The following NEXN variants were observed in gnomAD, a reference collection of about 807,000 sequenced individuals.
NEXN encodes the protein nexilin F-actin binding protein, also known as nexilin.
In NEXN, 65 loss-of-function variants were observed where a neutral mutation model predicts 92.6. The ratio of observed to expected loss-of-function variants is 0.70; its 90% CI spans 0.57 to 0.86. NEXN has a LOEUF of 0.86. Among genes scored for constraint, NEXN ranks in the 40% least tolerant of loss-of-function variants. The pLI is 0.00. For synonymous variants in NEXN, 254 were observed against 242.5 expected, an observed-to-expected ratio of 1.05 and a Z score of -0.44; for missense variants, 778 against 771.1, an observed-to-expected ratio of 1.01 and a Z score of -0.11.
chr1:77,914,810 T>A (rs1648838043), intron 1 of NEXN, among the ~76,000 whole-genome samples: 1 of 147,970 alleles, frequency 6.8e-6, no homozygotes, highest in African/African-American at 2.5e-5. Context: ...TGAGCCGAGA[T>A]CATGCCACTG....
At chr1:77,903,663 T>G (rs1376505334) in intron 1 of NEXN, among the ~76,000 whole-genome samples, 1 of 152,184 alleles carries the variant, frequency 6.6e-6, no homozygotes, top group Non-Finnish European at 1.5e-5. Context: ...AAAATTAAGT[T>G]TATAGACTGG....
intron 1 of NEXN, among the ~76,000 whole-genome samples, chr1:77,894,074 T>C (rs1407551820): frequency 2.0e-4 from 31 of 152,034 alleles, no homozygotes; most frequent in Admixed American, 2.0e-3. Context: ...TCTGCCCACG[T>C]TGGCCTCCCA....
intron 1 of NEXN, among the ~76,000 whole-genome samples, chr1:77,905,853 A>C (rs1019807658): frequency 2.0e-5 from 3 of 152,148 alleles, no homozygotes; most frequent in Non-Finnish European, 4.4e-5. Flanking sequence ...GTGATAAGGG[A>C]ATGAGAATAG....
rs2102181599 is a variant in NEXN at position 77,942,675 on chromosome 1, GAGA to G, written c.1878_1880del (p.Glu626del). 2 of 1,613,724 alleles carry G rather than the reference GAGA, an allele frequency of 1.2e-6. No homozygotes were observed. Among genetic ancestry groups the G allele is most frequent in the Non-Finnish European group, 1.7e-6 (2 of 1,179,740 alleles). On this transcript the variant is annotated inframe_deletion, in exon 13 of 13. Transcript: ENST00000334785. ...TTTGAAGGAGAAATACTGCAGGATG[GAGA>G]AGACTATCAATATATTGAAAGGGGA...
chr1:77,898,024 T>C (rs1476026628), intron 1 of NEXN, among the ~76,000 whole-genome samples: 1 of 152,122 alleles, frequency 6.6e-6, no homozygotes, highest in African/African-American at 2.4e-5. Context: ...TACAAACAAA[T>C]GGAAGAACAT....
intron 1 of NEXN, among the ~76,000 whole-genome samples, chr1:77,890,971 A>G (rs568682928): frequency 6.6e-6 from 1 of 152,126 alleles, no homozygotes; most frequent in Non-Finnish European, 1.5e-5. Context: ...ACAATTTCAC[A>G]TATTTCTGTT....
At chr1:77,903,212 T>C (rs191806706) in intron 1 of NEXN, among the ~76,000 whole-genome samples, 15 of 151,132 alleles carry the variant, frequency 9.9e-5, no homozygotes, top group Admixed American at 7.3e-4. Context: ...GCTGTTATCC[T>C]ATCATAAGAA....
At position 77,933,428 on chromosome 1, in the gene NEXN, G is replaced by C. The variant is rs753171810; in HGVS notation, c.1200G>C (p.Lys400Asn). 6.2e-7 allele frequency: 1 copy of C among 1,613,528 alleles called. No homozygotes were observed. The highest frequency in any genetic ancestry group is 8.5e-7 in the Non-Finnish European group (1 of 1,179,668). ...GAACAGAGGAGGAACGGAAGCATAA[G>C]CTAGAAATGGAGAAACAAGAATTTG... ...KRRTEEERKHKLEMEKQEFEQ... is the reference protein window; with the variant it reads ...KRRTEEERKHNLEMEKQEFEQ... Residue 400 changes from lysine (K) to asparagine (N), a missense_variant, in exon 10 of 13, where the codon AAG (lysine) becomes AAC (asparagine). Physicochemically the swap from Lys to Asn is moderately conservative, Grantham distance 94 (BLOSUM62 0). This residue lies in a region of NEXN where 532 missense variants were observed against 476.7 expected (regional missense o/e 1.12). Transcript: ENST00000334785.
intron 11 of NEXN, 195 bp from the exon 12 acceptor site, chr1:77,941,826 AAG>A: frequency 1.7e-6 from 1 of 576,610 alleles, no homozygotes; most frequent in South Asian, 2.0e-5. Flanking sequence ...GTCTATAACT[AAG>A]AGAATGCTTC....
chr1:77,890,034 C>A (rs186165631), intron 1 of NEXN, among the ~76,000 whole-genome samples: 117 of 152,244 alleles, frequency 7.7e-4, no homozygotes, highest in African/African-American at 2.3e-3. Context: ...AACTTTGTCT[C>A]AAATTCTTTT....
At position 77,889,355 on chromosome 1, in the gene NEXN, CTT is replaced by C. The variant is rs35488678; in HGVS notation, c.-53+611_-53+612del. ...TATCCCCCCACTCCTGTCTCCAACC[CTT>C]TTTTTTTTTTTTTTCGTGATTCTGC... On this transcript the variant is annotated intron_variant, in intron 1 of 12. Coordinates refer to ENST00000334785, the MANE Select transcript of NEXN (RefSeq NM_144573.4). The C allele has an allele frequency of 4.1e-3, 385 of 93,956 alleles. 2 individuals are homozygous for C. The highest frequency in any genetic ancestry group is 0.016 in the Middle Eastern group (3 of 192). The allele number at this position is 93,956 out of a possible 1,614,324, so 5.8% of individuals were successfully genotyped here. A position where few individuals can be genotyped will look rare whatever the true frequency, so the allele number is the denominator to read the frequency against.
chr1:77,940,130 C>A (rs1007852869), intron 11 of NEXN, among the ~76,000 whole-genome samples: 1 of 152,162 alleles, frequency 6.6e-6, no homozygotes. Flanking sequence ...ATTTACATAA[C>A]CTTACCTAAT....
chr1:77,933,767 T>C (rs945069508), intron 10 of NEXN, among the ~76,000 whole-genome samples: 1 of 152,152 alleles, frequency 6.6e-6, no homozygotes, highest in Non-Finnish European at 1.5e-5. Flanking sequence ...TCAATACATA[T>C]ATTATATATA....
chr1:77,930,477 T>G (rs1260064136), intron 9 of NEXN, among the ~76,000 whole-genome samples: 2 of 152,244 alleles, frequency 1.3e-5, no homozygotes, highest in Non-Finnish European at 2.9e-5. Context: ...TATTCTTTCC[T>G]GTAAGGCCAG....
At chr1:77,901,998 T>C (rs546261179) in intron 1 of NEXN, among the ~76,000 whole-genome samples, 10 of 152,238 alleles carry the variant, frequency 6.6e-5, no homozygotes, top group Non-Finnish European at 1.2e-4. Flanking sequence ...TTGATAGTTA[T>C]ATTTTATCTC....
At chr1:77,931,409 T>C in intron 9 of NEXN, among the ~76,000 whole-genome samples, 1 of 61,056 alleles carries the variant, frequency 1.6e-5, no homozygotes, top group East Asian at 5.2e-4. Flanking sequence ...TGAGACTCCG[T>C]CTCAAAAAAA....
intron 5 of NEXN, among the ~76,000 whole-genome samples, 172 bp downstream of exon 5, chr1:77,918,445 A>G (rs1284294282): frequency 6.6e-6 from 1 of 152,158 alleles, no homozygotes; most frequent in Non-Finnish European, 1.5e-5. Flanking sequence ...TGGGAGGCCA[A>G]GCTGGGTGGA....
chr1:77,931,588 A>C (rs1650315493), intron 9 of NEXN: 1 of 152,148 alleles, frequency 6.6e-6, no homozygotes, highest in East Asian at 1.9e-4. Flanking sequence ...AAGTTTCCTA[A>C]AGACATTTCT....
chr1:77,925,123 T>C, intron 5 of NEXN, 65 bp from the exon 6 acceptor site: 2 of 1,032,334 alleles, frequency 1.9e-6, no homozygotes, highest in East Asian at 2.4e-5. Flanking sequence ...ACTTTCCAGT[T>C]GTTGTTTAAA....
Sources: allele counts gnomAD v4.1 joint callset (sites outside exome capture counted in the v4.1 genomes callset), GRCh38; gene constraint gnomAD v4.1.1; regional missense constraint gnomAD v4.1.1; transcripts MANE v1.5; gene names NCBI Gene and HGNC (gene_info 2026-07-23, HGNC 2026-07-21).